Variants in TAF4B observed in about 807,000 individuals in gnomAD.
TAF4B encodes transcription initiation factor TFIID subunit 4B.
Under a neutral mutation model 86.4 loss-of-function variants are expected in TAF4B, and 38 were observed. That is an observed-to-expected ratio of 0.44 (90% CI 0.34 to 0.58). TAF4B has a LOEUF of 0.58. Among genes scored for constraint, TAF4B ranks in the 20% least tolerant of loss-of-function variants. TAF4B has a pLI of 0.02. For missense variants in TAF4B, 988 were observed against 1,027.6 expected, an observed-to-expected ratio of 0.96 and a Z score of 0.53; for synonymous variants, 388 against 391.2, an observed-to-expected ratio of 0.99 and a Z score of 0.10.
At chr18:26,368,993 T>C (rs1411774609) in intron 14 of TAF4B, among the ~76,000 whole-genome samples, 2 of 152,174 alleles carry the variant, frequency 1.3e-5, no homozygotes, top group Non-Finnish European at 2.9e-5. Flanking sequence ...GTAAGGGTAT[T>C]CAGTAGAATT....
chr18:26,232,106 GGT>G (rs1334395780), intron 1 of TAF4B, among the ~76,000 whole-genome samples: 2 of 152,028 alleles, frequency 1.3e-5, no homozygotes, highest in African/African-American at 2.4e-5. Context: ...AGCACTGATT[GGT>G]GTGTTTTTAC....
At chr18:26,375,906 T>A (rs2057439632) in intron 14 of TAF4B, among the ~76,000 whole-genome samples, 3 of 152,148 alleles carry the variant, frequency 2.0e-5, no homozygotes, top group Admixed American at 6.6e-5. Context: ...GGGGCCCAAA[T>A]TCATTCTTTT....
At chr18:26,303,333 T>C (rs182897608) in intron 9 of TAF4B, among the ~76,000 whole-genome samples, 1,234 of 20,218 alleles carry the variant, frequency 0.061, 5 homozygotes, top group Non-Finnish European at 0.066. Context: ...CTTTCATACC[T>C]CCTCCACTTT....
At chr18:26,315,097 T>A (rs550840012) in intron 9 of TAF4B, 132 bp from the exon 10 acceptor site, 37 of 154,530 alleles carry the variant, frequency 2.4e-4, no homozygotes, top group Middle Eastern at 3.5e-3. Flanking sequence ...TCTCTGAAAC[T>A]CTCTCTCTCT....
chr18:26,384,488 T>C (rs1310019435), intron 14 of TAF4B, among the ~76,000 whole-genome samples: 7 of 152,204 alleles, frequency 4.6e-5, no homozygotes, highest in Non-Finnish European at 8.8e-5. Flanking sequence ...ACTTTGGAGC[T>C]TTAGGCATTC....
chr18:26,266,834 T>G (rs2056246752), intron 2 of TAF4B: 1 of 151,954 alleles, frequency 6.6e-6, no homozygotes, highest in South Asian at 2.1e-4. Flanking sequence ...CTCACTCCAG[T>G]CTGGGCGACA....
Position 26,364,678 on chromosome 18 carries a change from A to G in TAF4B, c.2421+6884A>G, listed in dbSNP as rs1302187767. 2.6e-5 allele frequency among the ~76,000 whole-genome samples: 4 copies of G among 152,180 alleles called. No individual in the cohort carries two copies. The South Asian group carries it at 6.2e-4, about 24-fold the overall frequency. On this transcript the variant is annotated intron_variant, in intron 14 of 14. Coordinates refer to ENST00000269142, the MANE Select transcript of TAF4B (RefSeq NM_005640.3). ...AAGATAAGTTACATTTTAACCTTAC[A>G]TAATAACATGTCTAAAAAATTATAC...
chr18:26,268,909 A>G (rs1598742457), intron 3 of TAF4B, among the ~76,000 whole-genome samples: 1 of 151,686 alleles, frequency 6.6e-6, no homozygotes, highest in Non-Finnish European at 1.5e-5. Flanking sequence ...TGCAACCCCT[A>G]CTCCCTGGGT....
chr18:26,369,849 C>T (rs2057395400), intron 14 of TAF4B, among the ~76,000 whole-genome samples: 1 of 152,148 alleles, frequency 6.6e-6, no homozygotes. Context: ...GGCTTTATAC[C>T]ATTGGTAGCT....
At chr18:26,346,785 A>ATATATATATGTGTG (rs1567913659) in intron 13 of TAF4B, among the ~76,000 whole-genome samples, 371 of 21,376 alleles carry the variant, frequency 0.017, 112 homozygotes, top group East Asian at 0.11. Flanking sequence ...GTGTGTGTAT[A>ATATATATATGTGTG]TATATATATA....
intron 13 of TAF4B, among the ~76,000 whole-genome samples, chr18:26,340,267 A>G (rs1302444036): frequency 6.6e-6 from 1 of 152,234 alleles, no homozygotes; most frequent in Non-Finnish European, 1.5e-5. Flanking sequence ...AGCACAGTAT[A>G]TTTTTAAAAT....
At chr18:26,245,152 G>A (rs2055903527) in intron 1 of TAF4B, among the ~76,000 whole-genome samples, 1 of 152,084 alleles carries the variant, frequency 6.6e-6, no homozygotes, top group African/African-American at 2.4e-5. Context: ...GCCAACAGGT[G>A]CCCAGTATTT....
chr18:26,370,317 T>A (rs940226649), intron 14 of TAF4B, among the ~76,000 whole-genome samples: 1 of 152,216 alleles, frequency 6.6e-6, no homozygotes, highest in Non-Finnish European at 1.5e-5. Context: ...ACTTCCAATC[T>A]TGTAAGATCT....
intron 5 of TAF4B, among the ~76,000 whole-genome samples, chr18:26,281,097 A>C (rs1026635620): frequency 3.3e-5 from 5 of 152,156 alleles, no homozygotes; most frequent in Non-Finnish European, 7.4e-5. Flanking sequence ...CATTAAGTAC[A>C]CTTGGACGTA....
intron 3 of TAF4B, among the ~76,000 whole-genome samples, 179 bp from the exon 4 acceptor site, chr18:26,274,484 T>C (rs2056358584): frequency 6.6e-6 from 1 of 152,162 alleles, no homozygotes. Context: ...GGGGTGAGAA[T>C]GAAACCCAGA....
chr18:26,268,623 A>G (rs1186848942), intron 3 of TAF4B, among the ~76,000 whole-genome samples: 2 of 152,098 alleles, frequency 1.3e-5, no homozygotes, highest in Non-Finnish European at 2.9e-5. Context: ...ATTTAAGTGA[A>G]TCACCTGAAT....
chr18:26,304,041 T>C (rs573129996), intron 9 of TAF4B, among the ~76,000 whole-genome samples: 3 of 152,052 alleles, frequency 2.0e-5, no homozygotes, highest in Non-Finnish European at 4.4e-5. Context: ...TTTACTAGCA[T>C]AGAGAAATTC....
chr18:26,234,946 T>TA (rs1423251305), intron 1 of TAF4B, among the ~76,000 whole-genome samples: 1 of 152,230 alleles, frequency 6.6e-6, no homozygotes, highest in Non-Finnish European at 1.5e-5. Flanking sequence ...TACCCTCTGA[T>TA]ACTAAGATGG....
At position 26,265,276 on chromosome 18, in the gene TAF4B, A is replaced by G. The variant is rs778469071; in HGVS notation, c.450A>G (p.Val150=). ...TTSNITSRPA[V]PANPQTVKIC... ...GTAACATAACCTCAAGGCCAGCAGT[A>G]CCAGCGAATCCTCAAACAGTCAAAA... Residue 150 remains valine, a synonymous_variant, in exon 2 of 15, where the codon GTA becomes GTG. Coordinates refer to ENST00000269142, the MANE Select transcript of TAF4B (RefSeq NM_005640.3). The G allele has an allele frequency of 3.1e-6, 5 of 1,613,990 alleles. No homozygotes were observed. In the South Asian group the frequency reaches 5.5e-5, roughly 18 times the overall value.
Sources: allele counts gnomAD v4.1 joint callset (sites outside exome capture counted in the v4.1 genomes callset), GRCh38; gene constraint gnomAD v4.1.1; transcripts MANE v1.5; gene names NCBI Gene and HGNC (gene_info 2026-07-23, HGNC 2026-07-21).